NRXN1: variants seen among roughly 807,000 people sequenced by gnomAD.
NRXN1 encodes the protein neurexin 1, also known as neurexin-1.
NRXN1 carries 39 observed loss-of-function variants against 150.9 expected under a neutral mutation model. The observed-to-expected ratio is 0.26, with a 90% confidence interval of 0.20 to 0.34. The LOEUF is 0.34. Among genes scored for constraint, NRXN1 ranks in the 10% least tolerant of loss-of-function variants. The pLI is 1.00. For synonymous variants in NRXN1, 924 were observed against 757.0 expected (o/e 1.22, Z -3.62); for missense variants, 1,815 against 1,949.9 (o/e 0.93, Z 1.30).
At chr2:50,909,736 G>A (rs1298144907) in intron 5 of NRXN1, among the ~76,000 whole-genome samples, 2 of 151,754 alleles carry the variant, frequency 1.3e-5, no homozygotes, top group East Asian at 2.0e-4. Context: ...GGACAGGAAG[G>A]GATTATATAT....
intron 17 of NRXN1, among the ~76,000 whole-genome samples, chr2:50,264,855 C>T (rs2068676040): frequency 6.6e-6 from 1 of 152,054 alleles, no homozygotes; most frequent in Admixed American, 6.6e-5. Flanking sequence ...CAAGACCACA[C>T]ATCTATTTTC....
intron 17 of NRXN1, among the ~76,000 whole-genome samples, chr2:50,245,733 G>T (rs2152891802): frequency 6.6e-6 from 1 of 151,392 alleles, no homozygotes; most frequent in South Asian, 2.1e-4. Flanking sequence ...TATAATTATG[G>T]TCTAAAAAAT....
intron 18 of NRXN1, among the ~76,000 whole-genome samples, chr2:50,230,754 A>C (rs2064864233): frequency 2.0e-5 from 3 of 152,104 alleles, no homozygotes; most frequent in Non-Finnish European, 2.9e-5. Context: ...GTAATTTAGA[A>C]GTTGAGAAAT....
chr2:50,326,635 G>A (rs542965137), intron 17 of NRXN1, among the ~76,000 whole-genome samples: 143 of 152,140 alleles, frequency 9.4e-4, no homozygotes, highest in African/African-American at 3.2e-3. Flanking sequence ...ACTATTTAGT[G>A]TTACTTGCTT....
chr2:50,383,551 G>A (rs2081117325), intron 17 of NRXN1, among the ~76,000 whole-genome samples: 1 of 152,122 alleles, frequency 6.6e-6, no homozygotes, highest in Admixed American at 6.6e-5. Flanking sequence ...ATTATACAGT[G>A]ATCAAAATAT....
At chr2:50,395,276 C>T (rs1172106887) in intron 17 of NRXN1, among the ~76,000 whole-genome samples, 1 of 151,462 alleles carries the variant, frequency 6.6e-6, no homozygotes, top group African/African-American at 2.4e-5. Flanking sequence ...GATTGAAATA[C>T]CAGAAAATGA....
At chr2:50,048,589 C>A (rs1366427461) in intron 21 of NRXN1, among the ~76,000 whole-genome samples, 2 of 152,098 alleles carry the variant, frequency 1.3e-5, no homozygotes, top group African/African-American at 4.8e-5. Flanking sequence ...TCCAAAGCCT[C>A]CAAGCAAGCA....
intron 8 of NRXN1, among the ~76,000 whole-genome samples, chr2:50,597,964 C>T (rs1016805599): frequency 1.3e-5 from 2 of 151,986 alleles, no homozygotes; most frequent in Non-Finnish European, 2.9e-5. Context: ...TATGGTGAAA[C>T]GTCATCTTTA....
chr2:50,484,636 G>A (rs1022334520), intron 15 of NRXN1, among the ~76,000 whole-genome samples: 2 of 152,170 alleles, frequency 1.3e-5, no homozygotes, highest in Admixed American at 1.3e-4. Context: ...AAATGCAAAT[G>A]TTCTGCAGAA....
chr2:50,694,188 C>T (rs889192958), intron 5 of NRXN1, among the ~76,000 whole-genome samples: 3 of 151,988 alleles, frequency 2.0e-5, no homozygotes, highest in South Asian at 2.1e-4. Context: ...CAAATAGAAA[C>T]GTATGAATTG....
rs543561982 is a variant in NRXN1 at position 50,126,139 on chromosome 2, A to G, written c.3547-34645T>C. 3.3e-5 allele frequency among the ~76,000 whole-genome samples: 5 copies of G among 152,278 alleles called. No homozygotes were observed. In the South Asian group the frequency reaches 1.0e-3, roughly 32 times the overall value. On this transcript the variant is annotated intron_variant, in intron 18 of 22. Coordinates refer to ENST00000401669, the MANE Select transcript of NRXN1 (RefSeq NM_001330078.2). ...AAATGCTGCCACTAGGCAGGATTTT[A>G]AACATACACCCTTTTCGGCATACAA...
At chr2:50,737,695 T>C (rs919911605) in intron 5 of NRXN1, among the ~76,000 whole-genome samples, 1 of 152,128 alleles carries the variant, frequency 6.6e-6, no homozygotes, top group African/African-American at 2.4e-5. Context: ...GACTTCTACA[T>C]TTCATGTAAA....
chr2:50,829,103 C>A (rs1207024244), intron 5 of NRXN1, among the ~76,000 whole-genome samples: 2 of 151,688 alleles, frequency 1.3e-5, no homozygotes, highest in African/African-American at 4.8e-5. Flanking sequence ...GTGGCACGTG[C>A]CTGCAATCGC....
chr2:50,076,037 G>A (rs1222963686), intron 19 of NRXN1, among the ~76,000 whole-genome samples: 1 of 152,064 alleles, frequency 6.6e-6, no homozygotes, highest in Non-Finnish European at 1.5e-5. Context: ...ACTCTTCTGT[G>A]ATATCAGCCT....
At chr2:50,143,995 T>A (rs1379510163) in intron 18 of NRXN1, among the ~76,000 whole-genome samples, 2 of 151,924 alleles carry the variant, frequency 1.3e-5, no homozygotes, top group African/African-American at 2.4e-5. Context: ...TTAGGATGGT[T>A]TTCCAAAGTA....
intron 17 of NRXN1, among the ~76,000 whole-genome samples, chr2:50,377,966 T>G (rs1253365001): frequency 6.6e-6 from 1 of 152,170 alleles, no homozygotes; most frequent in Non-Finnish European, 1.5e-5. Context: ...TTAAAAGAAC[T>G]GTCCAAGTTC....
chr2:50,257,465 C>G (rs981215372), intron 17 of NRXN1, among the ~76,000 whole-genome samples: 1 of 152,074 alleles, frequency 6.6e-6, no homozygotes, highest in African/African-American at 2.4e-5. Context: ...AATACTTTCT[C>G]CACCTTTTGA....
chr2:50,945,086 A>G (rs1690121617), intron 2 of NRXN1, among the ~76,000 whole-genome samples: 1 of 152,208 alleles, frequency 6.6e-6, no homozygotes, highest in Non-Finnish European at 1.5e-5. Flanking sequence ...AAAGGGCCAG[A>G]TAGTAAATAT....
chr2:50,209,966 T>A (rs1044689661), intron 18 of NRXN1, among the ~76,000 whole-genome samples: 1 of 152,038 alleles, frequency 6.6e-6, no homozygotes, highest in Non-Finnish European at 1.5e-5. Flanking sequence ...TAATGCTGTA[T>A]TAGTGATCTT....
Sources: allele counts gnomAD v4.1 joint callset (sites outside exome capture counted in the v4.1 genomes callset), GRCh38; gene constraint gnomAD v4.1.1; transcripts MANE v1.5; gene names NCBI Gene and HGNC (gene_info 2026-07-23, HGNC 2026-07-21).